LGALS3BP: variants seen among roughly 807,000 people sequenced by gnomAD.
LGALS3BP encodes galectin-3-binding protein.
A neutral mutation model predicts 22.9 loss-of-function variants in LGALS3BP; 25 were observed. The ratio of observed to expected loss-of-function variants is 1.09; its 90% CI spans 0.80 to 1.53. The LOEUF is 1.53. Among genes scored for constraint, LGALS3BP ranks in the 40% most tolerant of loss-of-function variants. The pLI is 0.00. For synonymous variants in LGALS3BP, 335 were observed against 331.1 expected, an observed-to-expected ratio of 1.01 and a Z score of -0.13; for missense variants, 718 against 752.0, an observed-to-expected ratio of 0.95 and a Z score of 0.53.
chr17:78,973,189 C>G lies in LGALS3BP; in HGVS notation c.410G>C (p.Arg137Thr). Residue 137 changes from arginine to threonine, a missense_variant, in exon 5 of 6, where the codon AGG becomes ACG. Transcript: ENST00000262776. The surrounding 1 kb of genome is among the most constrained non-coding windows in gnomAD (Gnocchi z 5.8). ...CTGGCCAAGGGCCTCCGAGAGCTCC[C>G]TGGAGAGGTCCAGGGTGTGGGTGCT... ...TRSTHTLDLS[R>T]ELSEALGQIF... 6.3e-7 allele frequency: 1 copy of G among 1,586,512 alleles called. No homozygotes were observed. The highest frequency in any genetic ancestry group is 8.6e-7 in the Non-Finnish European group (1 of 1,167,414).
At chr17:78,974,338 C>T (rs559746220) in intron 4 of LGALS3BP, among the ~76,000 whole-genome samples, 6 of 152,376 alleles carry the variant, frequency 3.9e-5, no homozygotes, top group East Asian at 3.9e-4. Flanking sequence ...TTGAGCCTGT[C>T]GCGTGCTGTG....
In LGALS3BP at chr17:78,976,619, C is replaced by T. The variant is rs560808026; in HGVS notation, c.53-463G>A. The stretch of plus-strand genomic sequence containing the variant: ...TCCAGGGCAGATAATGGGATTCCCC[C>T]GCCCCACATGTCCTTCTGGGACTCA... On this transcript the variant is annotated intron_variant, in intron 2 of 5. Transcript: ENST00000262776. This position sits in a 1 kb window ranked among gnomAD's most constrained non-coding sequence, Gnocchi z 4.6. Among the ~76,000 whole-genome samples the T allele has an allele frequency of 7.2e-5, 11 of 152,236 alleles. No individual in the cohort carries two copies. Among genetic ancestry groups the T allele is most frequent in the South Asian group, 6.2e-4 (3 of 4,824 alleles).
Position 78,973,909 on chromosome 17 carries a change from G to T in LGALS3BP, c.377-687C>A, listed in dbSNP as rs1423370064. 3.9e-5 allele frequency among the ~76,000 whole-genome samples: 6 copies of T among 152,256 alleles called. No homozygotes were observed. The highest frequency in any genetic ancestry group is 6.5e-5 in the Admixed American group (1 of 15,278). ...CAGGACCCCCAGCTCCCTCCCACCT[G>T]CACGCCTTACCACAGCTCTCCTGCC... On this transcript the variant is annotated intron_variant, in intron 4 of 5. Transcript: ENST00000262776. The surrounding 1 kb of genome is among the most constrained non-coding windows in gnomAD (Gnocchi z 5.8).
At chr17:78,975,365 C>T (rs1260119899) in intron 3 of LGALS3BP, among the ~76,000 whole-genome samples, 2 of 152,260 alleles carry the variant, frequency 1.3e-5, no homozygotes, top group African/African-American at 4.8e-5. Context: ...GGGATAAACT[C>T]CCTGGAGTGG....
chr17:78,972,633 T>C lies in LGALS3BP; in HGVS notation c.701A>G (p.Tyr234Cys), dbSNP rs748296642. 20 of 1,549,374 alleles carry C rather than the reference T, an allele frequency of 1.3e-5. No homozygotes were observed. Among genetic ancestry groups the C allele is most frequent in the Non-Finnish European group, 1.5e-5 (17 of 1,147,236 alleles). Residue 234 changes from tyrosine (Y) to cysteine (C), a missense_variant, in exon 6 of 6, where the codon TAT (tyrosine) becomes TGT (cysteine). By Grantham distance (194) the Tyr-to-Cys change is radical (BLOSUM62 -2). Transcript: ENST00000262776. This position sits in a 1 kb window ranked among gnomAD's most constrained non-coding sequence, Gnocchi z 5.1. ...GTAGCCCTGCAGCTGCCTGGCCCCA[T>C]AGGCAGAGGCCAGCTTGTGGAAGCA... is the stretch of plus-strand genomic sequence containing the variant. The part of the protein sequence containing the change: ...VKCFHKLASA[Y>C]GARQLQGYCA...
chr17:78,976,048 T>C lies in LGALS3BP; in HGVS notation c.161A>G (p.Asp54Gly). The C allele has an allele frequency of 6.2e-7, 1 of 1,612,640 alleles. No individual in the cohort carries two copies. Among genetic ancestry groups the C allele is most frequent in the East Asian group, 2.2e-5 (1 of 44,862 alleles). The change falls in exon 3 of 6, where the codon GAC becomes GGC. Residue 54 changes from aspartate (D) to glycine (G), a missense_variant. Coordinates refer to ENST00000262776, the MANE Select transcript of LGALS3BP (RefSeq NM_005567.4). The surrounding 1 kb of genome is among the most constrained non-coding windows in gnomAD (Gnocchi z 4.6). ...GCAGACGACGCTGGCATCAGTCAGG[T>C]CCCACAGGTTGTCACACACAGTGCC... ...QWGTVCDNLW[D>G]LTDASVVCRA...
intron 1 of LGALS3BP, 136 bp from the exon 2 acceptor site, chr17:78,977,350 A>G: frequency 3.0e-6 from 2 of 668,804 alleles, no homozygotes; most frequent in Non-Finnish European, 5.1e-6. Context: ...AGAGCCCACT[A>G]TGATCCCAGT....
intron 4 of LGALS3BP, 101 bp downstream of exon 4, chr17:78,974,587 T>C: frequency 1.4e-6 from 2 of 1,391,588 alleles, no homozygotes; most frequent in Non-Finnish European, 9.8e-7. Context: ...AAGGAACCTT[T>C]GTGTGCTTCA....
Position 78,977,193 on chromosome 17 carries a change from G to A in LGALS3BP, c.-2C>T. 6.2e-7 allele frequency: 1 copy of A among 1,612,784 alleles called. No homozygotes were observed. Among genetic ancestry groups the A allele is most frequent in the Non-Finnish European group, 8.5e-7 (1 of 1,179,918 alleles). ...CCAGAAGAGCCTCGGAGGGGTCATGGCCGTGCCTGGATGCCCAGATCCTGC... is the reference window on the plus strand; with the variant it reads ...CCAGAAGAGCCTCGGAGGGGTCATGACCGTGCCTGGATGCCCAGATCCTGC... On this transcript the variant is annotated 5_prime_UTR_variant, in exon 2 of 6. Coordinates refer to ENST00000262776, the MANE Select transcript of LGALS3BP (RefSeq NM_005567.4).
intron 4 of LGALS3BP, among the ~76,000 whole-genome samples, chr17:78,974,067 C>T (rs1024753582): frequency 5.9e-5 from 9 of 152,256 alleles, no homozygotes; most frequent in African/African-American, 2.2e-4. Context: ...TTGTCCATCC[C>T]ATGTGGGCAC....
intron 1 of LGALS3BP, chr17:78,977,468 C>A: frequency 4.8e-6 from 2 of 419,748 alleles, no homozygotes; most frequent in East Asian, 4.2e-5. Flanking sequence ...GGGCTGGGGG[C>A]ACCCCCTGGC....
rs1224647149 is a variant in LGALS3BP at position 78,971,638 on chromosome 17, A to G, written c.1696T>C (p.Phe566Leu). The stretch of plus-strand genomic sequence containing the variant: ...CGGATGACCGTGCGGAAGCCGTTGA[A>G]GTGCCCTGCCGGGCAGGGGAAGGAG... ...TSSFPCPAGH[F>L]NGFRTVIRPF... Residue 566 changes from phenylalanine to leucine, a missense_variant, in exon 6 of 6, where the codon TTC (phenylalanine) becomes CTC (leucine). Phe to Leu is a conservative substitution (Grantham distance 22, BLOSUM62 0). Transcript: ENST00000262776. The surrounding 1 kb of genome is among the most constrained non-coding windows in gnomAD (Gnocchi z 5.6). The G allele has an allele frequency of 6.2e-7, 1 of 1,613,746 alleles. No individual in the cohort carries two copies. Among genetic ancestry groups the G allele is most frequent in the South Asian group, 1.1e-5 (1 of 91,078 alleles).
At chr17:78,975,335 T>A (rs539611896) in intron 3 of LGALS3BP, among the ~76,000 whole-genome samples, 1 of 152,298 alleles carries the variant, frequency 6.6e-6, no homozygotes, top group East Asian at 1.9e-4. Flanking sequence ...ACTTTTCTTT[T>A]GAGGAGAAAT....
In LGALS3BP at chr17:78,971,714, C is replaced by T. The variant is rs1368165259; in HGVS notation, c.1620G>A (p.Trp540Ter). The change falls in exon 6 of 6, where the codon TGG becomes TGA. Residue 540 changes from tryptophan (W) to a stop codon, truncating the protein, a stop_gained. Transcript: ENST00000262776. LOFTEE classifies it low-confidence loss of function (END_TRUNC). The surrounding 1 kb of genome is among the most constrained non-coding windows in gnomAD (Gnocchi z 5.6). The stretch of plus-strand genomic sequence containing the variant: ...CCAGGGCACTGGGAATCGCAGCCTT[C>T]CAGCCCTCGAAATCGGTGACGTCTG... ...FVADVTDFEG[W>*]KAAIPSALDT... 5.0e-6 allele frequency: 8 copies of T among 1,613,916 alleles called. No individual in the cohort carries two copies. The highest frequency in any genetic ancestry group is 6.8e-6 in the Non-Finnish European group (8 of 1,180,026).
In LGALS3BP at chr17:78,976,995, CTGG is replaced by C. The variant is rs1455943577; in HGVS notation, c.52+142_52+144del. 1.2e-6 allele frequency: 1 copy of C among 801,814 alleles called. No individual in the cohort carries two copies. Among genetic ancestry groups the C allele is most frequent in the Non-Finnish European group, 2.1e-6 (1 of 476,746 alleles). 49.7% of individuals were successfully genotyped at this position (801,814 alleles called of 1,614,324 possible). A position where few individuals can be genotyped will look rare whatever the true frequency, so the allele number is the denominator to read the frequency against. On this transcript the variant is annotated intron_variant, in intron 2 of 5. Coordinates refer to ENST00000262776, the MANE Select transcript of LGALS3BP (RefSeq NM_005567.4). The surrounding 1 kb of genome is among the most constrained non-coding windows in gnomAD (Gnocchi z 4.6). ...TCCAAGTCATCATCACTGGGGATAC[CTGG>C]TGCTTCAAGCAGGAGAGAAGATCTG...
Position 78,971,692 on chromosome 17 carries a change from G to A in LGALS3BP, c.1642C>T (p.Leu548=). The stretch of plus-strand genomic sequence containing the variant: ...GTGCTCTTCGAGCTGTTGGTGTCCA[G>A]GGCACTGGGAATCGCAGCCTTCCAG... The part of the protein sequence containing the change: ...EGWKAAIPSA[L]DTNSSKSTSS... The change falls in exon 6 of 6, where the codon CTG becomes TTG. Residue 548 remains leucine, a synonymous_variant. Coordinates refer to ENST00000262776, the MANE Select transcript of LGALS3BP (RefSeq NM_005567.4). This position sits in a 1 kb window ranked among gnomAD's most constrained non-coding sequence, Gnocchi z 5.6. 1 of 1,613,964 alleles carries A rather than the reference G, an allele frequency of 6.2e-7. No individual in the cohort carries two copies. Among genetic ancestry groups the A allele is most frequent in the Non-Finnish European group, 8.5e-7 (1 of 1,180,030 alleles).
chr17:78,971,996 G>A lies in LGALS3BP; in HGVS notation c.1338C>T (p.Tyr446=), dbSNP rs562390593. The A allele has an allele frequency of 2.5e-6, 4 of 1,614,102 alleles. No individual in the cohort carries two copies. The highest frequency in any genetic ancestry group is 3.3e-5 in the Admixed American group (2 of 60,016). ...RGPLVKYSSD[Y]FQAPSDYRYY... is the part of the protein sequence containing the mutation. Reference sequence around the variant, plus strand: ...ATCTGTAGTCAGAGGGGGCTTGGAAGTAATCAGAAGAATATTTGACCAAAG... The same window carrying A: ...ATCTGTAGTCAGAGGGGGCTTGGAAATAATCAGAAGAATATTTGACCAAAG... Residue 446 remains tyrosine, a synonymous_variant, in exon 6 of 6, where the codon TAC becomes TAT. Transcript: ENST00000262776. This position sits in a 1 kb window ranked among gnomAD's most constrained non-coding sequence, Gnocchi z 5.6.
At chr17:78,977,594 G>A (rs759390032) in intron 1 of LGALS3BP, 2 of 232,152 alleles carry the variant, frequency 8.6e-6, no homozygotes, top group African/African-American at 2.3e-5. Flanking sequence ...CCACAGGCGT[G>A]GGCCCAGGTC....
chr17:78,971,348 G>T lies in LGALS3BP; in HGVS notation c.*228C>A, dbSNP rs369292653. 1 of 566,244 alleles carries T rather than the reference G, an allele frequency of 1.8e-6. No homozygotes were observed. The highest frequency in any genetic ancestry group is 1.9e-5 in the African/African-American group (1 of 53,538). The allele number at this position is 566,244 out of a possible 1,614,324, so 35.1% of individuals were successfully genotyped here. A position where few individuals can be genotyped will look rare whatever the true frequency, so the allele number is the denominator to read the frequency against. ...GGGATCCCAGAGCAACCTCGAGGGCGTCCTGGTGCTTACCACCTGGAAACT... is the reference window on the plus strand; with the variant it reads ...GGGATCCCAGAGCAACCTCGAGGGCTTCCTGGTGCTTACCACCTGGAAACT... On this transcript the variant is annotated 3_prime_UTR_variant, in exon 6 of 6. Transcript: ENST00000262776. This position sits in a 1 kb window ranked among gnomAD's most constrained non-coding sequence, Gnocchi z 5.6.
Sources: allele counts gnomAD v4.1 joint callset (sites outside exome capture counted in the v4.1 genomes callset), GRCh38; gene constraint gnomAD v4.1.1; non-coding constraint Gnocchi (gnomAD v3.1); transcripts MANE v1.5; gene names NCBI Gene and HGNC (gene_info 2026-07-23, HGNC 2026-07-21).